TRIM37: variants seen among roughly 807,000 people sequenced by gnomAD.
The protein encoded by TRIM37 is tripartite motif containing 37.
Under a neutral mutation model 129.8 loss-of-function variants are expected in TRIM37, and 80 were observed. The ratio of observed to expected loss-of-function variants is 0.62; its 90% CI spans 0.51 to 0.74. The LOEUF (loss-of-function observed/expected upper bound fraction) is 0.74, where lower values mean the gene tolerates loss of function less well. Among genes scored for constraint, TRIM37 ranks in the 30% least tolerant of loss-of-function variants. The pLI is 0.00. For synonymous variants in TRIM37, 389 were observed against 387.1 expected (o/e 1.00, Z -0.06); for missense variants, 1,054 against 1,176.5 (o/e 0.90, Z 1.52).
At chr17:59,068,321 C>G (rs1175813314) in intron 9 of TRIM37, among the ~76,000 whole-genome samples, 1 of 152,224 alleles carries the variant, frequency 6.6e-6, no homozygotes, top group Non-Finnish European at 1.5e-5. Flanking sequence ...AGACGCATTT[C>G]TGAATACCAC....
downstream of TRIM37, among the ~76,000 whole-genome samples, chr17:58,978,190 A>AG (rs767235604): frequency 2.4e-4 from 36 of 152,230 alleles, no homozygotes; most frequent in Non-Finnish European, 5.0e-4. Context: ...AGAGTTGTGT[A>AG]GGTGACAAGT....
chr17:59,021,670 A>ATAGT (rs2036619056), intron 19 of TRIM37, among the ~76,000 whole-genome samples: 1 of 152,154 alleles, frequency 6.6e-6, no homozygotes, highest in South Asian at 2.1e-4. Flanking sequence ...GTACAAAAAT[A>ATAGT]TAGTTAGATA....
intron 24 of TRIM37, among the ~76,000 whole-genome samples, chr17:58,992,759 G>C (rs915219311): frequency 6.6e-6 from 1 of 152,102 alleles, no homozygotes; most frequent in Non-Finnish European, 1.5e-5. Context: ...CTATCACATG[G>C]TTCAGAGCTC....
intron 19 of TRIM37, among the ~76,000 whole-genome samples, chr17:59,025,044 T>C (rs556615856): frequency 3.9e-5 from 6 of 152,212 alleles, no homozygotes; most frequent in Non-Finnish European, 8.8e-5. Flanking sequence ...ATTGCGTTTT[T>C]GTATGTCCAA....
intron 18 of TRIM37, 100 bp from the exon 19 acceptor site, chr17:59,028,823 C>T (rs1269394218): frequency 1.5e-5 from 18 of 1,200,946 alleles, no homozygotes; most frequent in South Asian, 3.8e-5. Flanking sequence ...AATAAGCTAG[C>T]GTGCTTTACG....
intron 18 of TRIM37, 128 bp from the exon 19 acceptor site, chr17:59,028,851 C>A (rs971131748): frequency 1.1e-6 from 1 of 873,572 alleles, no homozygotes; most frequent in Non-Finnish European, 1.8e-6. Flanking sequence ...AACAATAAAA[C>A]ATGCACTAAA....
At chr17:59,007,784 T>TTA (rs2034729568) in intron 22 of TRIM37, among the ~76,000 whole-genome samples, 1 of 152,216 alleles carries the variant, frequency 6.6e-6, no homozygotes, top group Admixed American at 6.5e-5. Flanking sequence ...ATTTTTAAAC[T>TTA]GATGCTTAAG....
At chr17:58,984,082 T>C (rs965383076) in intron 24 of TRIM37, 3 of 152,622 alleles carry the variant, frequency 2.0e-5, no homozygotes, top group South Asian at 2.1e-4. Context: ...GAAACACATA[T>C]GTATATACCT....
intron 2 of TRIM37, among the ~76,000 whole-genome samples, chr17:59,095,593 G>A (rs1418072545): frequency 6.6e-6 from 1 of 152,222 alleles, no homozygotes; most frequent in African/African-American, 2.4e-5. Context: ...AAAATTGCAA[G>A]GAAACTAGGA....
At chr17:59,057,163 T>G (rs1182305526) in intron 12 of TRIM37, 109 bp from the exon 13 acceptor site, 26 of 888,234 alleles carry the variant, frequency 2.9e-5, no homozygotes, top group South Asian at 7.5e-5. Context: ...GAAACCTTAT[T>G]GATATACGCA....
chr17:59,017,167 AAAAG>A, intron 20 of TRIM37, 125 bp downstream of exon 20: 1 of 1,262,670 alleles, frequency 7.9e-7, no homozygotes, highest in Non-Finnish European at 1.1e-6. Context: ...CTGTTTCAAA[AAAAG>A]AAACTTTCAA....
chr17:58,976,079 G>C, the TRIM37 span, among the ~76,000 whole-genome samples: 1 of 152,160 alleles, frequency 6.6e-6, no homozygotes, highest in African/African-American at 2.4e-5. Flanking sequence ...ATTCAGGAAA[G>C]GGTTCCTTTT....
intron 2 of TRIM37, among the ~76,000 whole-genome samples, chr17:59,092,071 C>G (rs749955851): frequency 4.9e-4 from 74 of 151,586 alleles, no homozygotes; most frequent in Non-Finnish European, 9.3e-4. Context: ...AATGAATAAG[C>G]AATACAGCAC....
intron 21 of TRIM37, among the ~76,000 whole-genome samples, 183 bp downstream of exon 21, chr17:59,015,427 G>C (rs34550282): frequency 6.7e-6 from 1 of 150,308 alleles, no homozygotes; most frequent in African/African-American, 2.4e-5. Context: ...GTGACAGAGC[G>C]AGGCTCTGTT....
chr17:59,091,028 C>T (rs979856259), intron 3 of TRIM37, among the ~76,000 whole-genome samples: 2 of 151,946 alleles, frequency 1.3e-5, no homozygotes, highest in Non-Finnish European at 2.9e-5. Context: ...TAACCAGAAA[C>T]ATTAAAAATT....
chr17:59,051,319 T>C lies in TRIM37; in HGVS notation c.1209A>G (p.Val403=), dbSNP rs1383557597. Residue 403 remains valine, a synonymous_variant, in exon 14 of 24, where the codon GTA becomes GTG. Coordinates refer to ENST00000262294, the MANE Select transcript of TRIM37 (RefSeq NM_015294.6). ...QNDTVILRFQ[V]RSPTFFQKSR... ...ATTTTTGAAAGAAAGTTGGTGAACG[T>C]ACCTGAAACCTTAAAAGAATTGTGC... is the stretch of plus-strand genomic sequence containing the variant. 6.2e-7 allele frequency: 1 copy of C among 1,609,782 alleles called. No individual in the cohort carries two copies. The highest frequency in any genetic ancestry group is 1.7e-5 in the Admixed American group (1 of 60,002).
At chr17:59,045,683 C>A (rs1762302332) in intron 16 of TRIM37, among the ~76,000 whole-genome samples, 1 of 151,214 alleles carries the variant, frequency 6.6e-6, no homozygotes, top group African/African-American at 2.4e-5. Flanking sequence ...ACACTATGAC[C>A]AAGTGGGATG....
chr17:58,993,561 G>T (rs756224793), downstream of TRIM37, among the ~76,000 whole-genome samples: 3 of 152,180 alleles, frequency 2.0e-5, no homozygotes, highest in Admixed American at 6.5e-5. Flanking sequence ...CATGACTCTG[G>T]AAAAGCAAAA....
At position 59,056,993 on chromosome 17, in the gene TRIM37, G is replaced by T; in HGVS notation, c.1081C>A (p.Arg361=). The T allele has an allele frequency of 1.2e-6, 2 of 1,613,584 alleles. No homozygotes were observed. The part of the protein sequence containing the change: ...SCNDPTKNII[R]EFASDFEVGE... ...ACTTCAAAGTCAGATGCAAATTCTCGAATGATATTTTTTGTAGGATCATTA... is the reference window on the plus strand; with the variant it reads ...ACTTCAAAGTCAGATGCAAATTCTCTAATGATATTTTTTGTAGGATCATTA... The change falls in exon 13 of 24, where the codon CGA becomes AGA. Residue 361 remains arginine, a synonymous_variant. Coordinates refer to ENST00000262294, the MANE Select transcript of TRIM37 (RefSeq NM_015294.6).
Sources: allele counts gnomAD v4.1 joint callset (sites outside exome capture counted in the v4.1 genomes callset), GRCh38; gene constraint gnomAD v4.1.1; transcripts MANE v1.5; gene names NCBI Gene and HGNC (gene_info 2026-07-23, HGNC 2026-07-21).